The following PRKAR1B variants were observed in gnomAD, a reference collection of about 807,000 sequenced individuals.
The protein encoded by PRKAR1B is cAMP-dependent protein kinase type I-beta regulatory subunit.
In PRKAR1B, 22 loss-of-function variants were observed where a neutral mutation model predicts 46.5. The ratio of observed to expected loss-of-function variants is 0.47; its 90% CI spans 0.34 to 0.68. The LOEUF (loss-of-function observed/expected upper bound fraction) is 0.68. Ranked by LOEUF, PRKAR1B falls within the 30% of genes least tolerant of loss-of-function variation. The probability of loss-of-function intolerance (pLI) is 0.01; values close to 1 mark genes in which losing one functional copy is unlikely to be tolerated. For missense variants in PRKAR1B, 445 were observed against 535.6 expected (o/e 0.83, Z 1.67); for synonymous variants, 259 against 217.7 (o/e 1.19, Z -1.67).
chr7:588,535 TGATGGTGGTGAC>T (rs1780741486), intron 7 of PRKAR1B, among the ~76,000 whole-genome samples: 1 of 67,130 alleles, frequency 1.5e-5, no homozygotes, highest in Non-Finnish European at 3.0e-5. Flanking sequence ...GTGACGGTGG[TGATGGTGGTGAC>T]GGTGGTGATG....
chr7:557,453 C>T (rs1778517204), intron 9 of PRKAR1B, among the ~76,000 whole-genome samples: 2 of 152,264 alleles, frequency 1.3e-5, no homozygotes, highest in South Asian at 4.1e-4. Flanking sequence ...ATACACCACC[C>T]TGCACACTGA....
At chr7:695,030 C>CAAAAA (rs924223625) in intron 2 of PRKAR1B, among the ~76,000 whole-genome samples, 1,362 of 78,466 alleles carry the variant, frequency 0.017, 32 homozygotes, top group African/African-American at 0.056. Flanking sequence ...GACTCCGTCT[C>CAAAAA]AAAAAAAAAA....
At chr7:595,155 C>T (rs926740666) in intron 7 of PRKAR1B, among the ~76,000 whole-genome samples, 3 of 152,168 alleles carry the variant, frequency 2.0e-5, no homozygotes, top group Non-Finnish European at 4.4e-5. Flanking sequence ...CTGCCCCACG[C>T]GGGAAGGCCT....
At chr7:693,319 C>A (rs188260385) in intron 2 of PRKAR1B, among the ~76,000 whole-genome samples, 5,006 of 151,422 alleles carry the variant, frequency 0.033, 309 homozygotes, top group African/African-American at 0.11. Flanking sequence ...ACAATTCAGC[C>A]ACGTCGACAC....
chr7:664,697 C>G (rs1451705993), intron 4 of PRKAR1B, among the ~76,000 whole-genome samples: 2 of 151,944 alleles, frequency 1.3e-5, no homozygotes, highest in Non-Finnish European at 2.9e-5. Context: ...TCGCTTGAGC[C>G]CAGGAGGCTC....
intron 7 of PRKAR1B, among the ~76,000 whole-genome samples, chr7:585,218 C>T (rs939368774): frequency 1.3e-5 from 2 of 152,094 alleles, no homozygotes; most frequent in African/African-American, 4.8e-5. Flanking sequence ...CACACACATC[C>T]CATCAAGCTG....
At chr7:709,371 CTTT>C (rs71016898) in intron 2 of PRKAR1B, among the ~76,000 whole-genome samples, 3 of 95,644 alleles carry the variant, frequency 3.1e-5, no homozygotes, top group Non-Finnish European at 6.4e-5. Context: ...GTATGTATTT[CTTT>C]TTTTTTTTTT....
intron 4 of PRKAR1B, among the ~76,000 whole-genome samples, chr7:615,759 C>A (rs1227125144): frequency 5.8e-5 from 8 of 137,084 alleles, no homozygotes; most frequent in African/African-American, 2.2e-4. Flanking sequence ...ACCCGGGAGG[C>A]AGAGCTTGCA....
chr7:620,812 C>T (rs1783071186), intron 4 of PRKAR1B, among the ~76,000 whole-genome samples: 1 of 152,188 alleles, frequency 6.6e-6, no homozygotes, highest in Admixed American at 6.5e-5. Context: ...CCGGGACCTC[C>T]CAAGCACAGT....
intron 4 of PRKAR1B, among the ~76,000 whole-genome samples, chr7:645,032 C>G (rs1017618327): frequency 3.9e-5 from 6 of 152,178 alleles, no homozygotes; most frequent in Admixed American, 3.9e-4. Context: ...CAAAGGGCCC[C>G]GTGATTCACT....
At chr7:556,715 C>T (rs1440212822) in intron 9 of PRKAR1B, among the ~76,000 whole-genome samples, 1 of 152,168 alleles carries the variant, frequency 6.6e-6, no homozygotes, top group African/African-American at 2.4e-5. Context: ...AACAGTTCCC[C>T]ACGCACCTCC....
rs1164221686 is a variant in PRKAR1B, at chr7:726,775, G to T, written c.-23+435C>A. 2.4e-6 allele frequency: 3 copies of T among 1,270,042 alleles called. No individual in the cohort carries two copies. Among genetic ancestry groups the T allele is most frequent in the Non-Finnish European group, 2.0e-6 (2 of 1,009,882 alleles). 78.7% of individuals were successfully genotyped at this position (1,270,042 alleles called of 1,614,324 possible). ...GGCGGCCCCACACCCGGCTGAGGGG[G>T]CCGAGACGGCTGAGGCGGTGGAGCT... is the stretch of plus-strand genomic sequence containing the variant. On this transcript the variant is annotated intron_variant, in intron 1 of 10. Transcript: ENST00000537384.
chr7:649,557 C>G (rs183893144), intron 4 of PRKAR1B, among the ~76,000 whole-genome samples: 2 of 151,624 alleles, frequency 1.3e-5, no homozygotes, highest in Non-Finnish European at 2.9e-5. Context: ...TTATATGTAG[C>G]GCCTTATTTA....
chr7:717,161 T>C (rs1218213206), intron 1 of PRKAR1B, among the ~76,000 whole-genome samples: 1 of 151,514 alleles, frequency 6.6e-6, no homozygotes, highest in African/African-American at 2.4e-5. Flanking sequence ...TGTGGTGCCG[T>C]GCCTGTAGTC....
chr7:636,387 GCCGCGCCCTC>G (rs1562579251), intron 4 of PRKAR1B, among the ~76,000 whole-genome samples: 1,314 of 59,388 alleles, frequency 0.022, 81 homozygotes, highest in Non-Finnish European at 0.033. Context: ...TCCTCCACCG[GCCGCGCCCTC>G]ACGTCCTCCA....
At chr7:574,344 A>G (rs1187123104) in intron 9 of PRKAR1B, among the ~76,000 whole-genome samples, 2 of 152,260 alleles carry the variant, frequency 1.3e-5, no homozygotes, top group Non-Finnish European at 2.9e-5. Flanking sequence ...CTTTCACACC[A>G]GAAGGGGCAT....
intron 9 of PRKAR1B, among the ~76,000 whole-genome samples, chr7:556,437 A>C (rs1227015040): frequency 6.6e-6 from 1 of 152,110 alleles, no homozygotes; most frequent in African/African-American, 2.4e-5. Context: ...GATAATTAGA[A>C]GGGCCTCTGG....
chr7:594,010 G>T (rs987910449), intron 7 of PRKAR1B, among the ~76,000 whole-genome samples: 1 of 152,066 alleles, frequency 6.6e-6, no homozygotes, highest in African/African-American at 2.4e-5. Context: ...GCTGGCCCAT[G>T]GCCATCAAAT....
chr7:584,448 G>T, intron 8 of PRKAR1B, 60 bp downstream of exon 8: 1 of 1,461,030 alleles, frequency 6.8e-7, no homozygotes, highest in Non-Finnish European at 9.6e-7. Flanking sequence ...AAGAGGCCGG[G>T]GTGGCCAGCA....
Sources: gnomAD v4.1 joint callset for allele counts (sites outside exome capture counted in the v4.1 genomes callset) on GRCh38, gnomAD v4.1.1 for gene constraint, MANE v1.5 for transcripts, NCBI Gene and HGNC (gene_info 2026-07-23, HGNC 2026-07-21) for gene names.